The following SCP2 variants were observed in gnomAD, a reference collection of about 807,000 sequenced individuals.
SCP2 encodes sterol carrier protein 2.
SCP2 carries 48 observed loss-of-function variants against 71.4 expected under a neutral mutation model. The ratio of observed to expected loss-of-function variants is 0.67; its 90% CI spans 0.53 to 0.86. SCP2 has a LOEUF of 0.86. Among genes scored for constraint, SCP2 ranks in the 40% least tolerant of loss-of-function variants. The probability of loss-of-function intolerance (pLI) is 0.00; values close to 1 mark genes in which losing one functional copy is unlikely to be tolerated. For missense variants in SCP2, 560 were observed against 655.6 expected (o/e 0.85, Z 1.59); for synonymous variants, 220 against 218.1 (o/e 1.01, Z -0.08).
chr1:53,004,167 G>A (rs896038048), intron 11 of SCP2, among the ~76,000 whole-genome samples: 4 of 152,178 alleles, frequency 2.6e-5, no homozygotes, highest in African/African-American at 9.7e-5. Context: ...GTGGGGTGGA[G>A]CTGAATGGTG....
intron 14 of SCP2, among the ~76,000 whole-genome samples, chr1:53,046,939 G>A (rs1663859079): frequency 6.6e-6 from 1 of 152,212 alleles, no homozygotes; most frequent in Admixed American, 6.5e-5. Context: ...CAGTTTCCAT[G>A]GATAAGTAGG....
chr1:52,938,888 C>T (rs1036383346), intron 1 of SCP2, among the ~76,000 whole-genome samples: 3 of 152,144 alleles, frequency 2.0e-5, no homozygotes, highest in African/African-American at 4.8e-5. Context: ...GACATGTATC[C>T]AGTGTTATAG....
intron 1 of SCP2, among the ~76,000 whole-genome samples, chr1:52,935,389 C>T (rs1455319820): frequency 6.6e-6 from 1 of 151,654 alleles, no homozygotes; most frequent in African/African-American, 2.4e-5. Flanking sequence ...CGAGACCAGC[C>T]TGGTCAACAT....
chr1:52,959,750 T>A (rs768445911), intron 5 of SCP2, among the ~76,000 whole-genome samples: 3 of 152,126 alleles, frequency 2.0e-5, no homozygotes, highest in Non-Finnish European at 4.4e-5. Context: ...TGTAGGATCT[T>A]TGGACGTGTC....
intron 6 of SCP2, among the ~76,000 whole-genome samples, chr1:52,962,479 C>T (rs772870095): frequency 1.5e-4 from 23 of 152,216 alleles, no homozygotes; most frequent in Middle Eastern, 6.8e-3. Flanking sequence ...GATCATTTCA[C>T]TCCTGTGCTT....
At chr1:53,002,589 G>T (rs912785345) in intron 11 of SCP2, among the ~76,000 whole-genome samples, 2 of 152,200 alleles carry the variant, frequency 1.3e-5, no homozygotes, top group African/African-American at 2.4e-5. Flanking sequence ...TTGCCCATCT[G>T]TTGGGCCTTA....
chr1:52,942,565 T>A (rs1474798639), intron 2 of SCP2, among the ~76,000 whole-genome samples: 1 of 151,598 alleles, frequency 6.6e-6, no homozygotes, highest in Non-Finnish European at 1.5e-5. Flanking sequence ...TCTCTTTTTT[T>A]AAAAAAAGGG....
At chr1:53,037,163 G>C (rs1663009150) in intron 13 of SCP2, among the ~76,000 whole-genome samples, 1 of 151,706 alleles carries the variant, frequency 6.6e-6, no homozygotes, top group Non-Finnish European at 1.5e-5. Context: ...AATAAATGAT[G>C]AATGATTTAT....
intron 13 of SCP2, among the ~76,000 whole-genome samples, chr1:53,029,691 T>A (rs1391305405): frequency 6.6e-6 from 1 of 152,186 alleles, no homozygotes; most frequent in Non-Finnish European, 1.5e-5. Context: ...CTGATGTGTC[T>A]TGTGAAAGAA....
At chr1:53,035,596 C>A (rs74224005) in intron 13 of SCP2, among the ~76,000 whole-genome samples, 14,912 of 149,154 alleles carry the variant, frequency 0.1, 1,444 homozygotes, top group African/African-American at 0.22. Flanking sequence ...AAAATGTGTC[C>A]AAAAAAAAAT....
rs549143618 is a variant in SCP2, at chr1:53,026,258, GA to G, written c.1236-1709del. On this transcript the variant is annotated intron_variant, in intron 12 of 15. Coordinates refer to ENST00000371514, the MANE Select transcript of SCP2 (RefSeq NM_002979.5). ...AATATTTGTCTTTTCTTTATTCTAG[GA>G]ACATTTGAATTATTCTCTTTTGATT... Among the ~76,000 whole-genome samples the G allele has an allele frequency of 6.6e-5, 10 of 152,102 alleles. No homozygotes were observed. The South Asian group carries it at 1.9e-3, about 28-fold the overall frequency.
chr1:52,954,229 G>C lies in SCP2; in HGVS notation c.332-511G>C, dbSNP rs1655593251. On this transcript the variant is annotated intron_variant, in intron 4 of 15. Coordinates refer to ENST00000371514, the MANE Select transcript of SCP2 (RefSeq NM_002979.5). ...AATAGAGAGCTGAGGTGGGAGGATC[G>C]TTTGAGCCTGAGAGGTTGAAGCTGC... 3.3e-5 allele frequency among the ~76,000 whole-genome samples: 5 copies of C among 150,958 alleles called. No individual in the cohort carries two copies. In the South Asian group the frequency reaches 1.0e-3, roughly 32 times the overall value.
chr1:52,976,538 A>C, intron 7 of SCP2, 145 bp from the exon 8 acceptor site: 1 of 638,812 alleles, frequency 1.6e-6, no homozygotes, highest in East Asian at 2.8e-5. Flanking sequence ...TTAAAAGGTC[A>C]ATTCAGATGA....
intron 8 of SCP2, among the ~76,000 whole-genome samples, chr1:52,977,855 G>C (rs1374210527): frequency 3.9e-5 from 6 of 152,098 alleles, no homozygotes; most frequent in Non-Finnish European, 8.8e-5. Flanking sequence ...AGCTACTCAG[G>C]AGGCTGAGGC....
intron 14 of SCP2, among the ~76,000 whole-genome samples, chr1:53,044,590 AC>A (rs1663667708): frequency 6.6e-6 from 1 of 152,246 alleles, no homozygotes; most frequent in African/African-American, 2.4e-5. Context: ...GAAAACACAT[AC>A]ACATATAAGT....
At chr1:53,025,267 C>T (rs1426107486) in intron 12 of SCP2, among the ~76,000 whole-genome samples, 1 of 152,130 alleles carries the variant, frequency 6.6e-6, no homozygotes, top group Non-Finnish European at 1.5e-5. Flanking sequence ...TGCTGCTTTC[C>T]CTTCTGTCCC....
intron 15 of SCP2, chr1:53,048,877 T>C (rs1664017132): frequency 6.6e-6 from 1 of 152,224 alleles, no homozygotes; most frequent in African/African-American, 2.4e-5. Context: ...GACGTTTCTT[T>C]CCAATGTAAC....
At chr1:52,982,389 T>G (rs922008198) in intron 10 of SCP2, among the ~76,000 whole-genome samples, 2 of 152,072 alleles carry the variant, frequency 1.3e-5, no homozygotes, top group Non-Finnish European at 2.9e-5. Context: ...GCTAACACGG[T>G]GAAACCCCCT....
chr1:53,038,481 C>G (rs879065116), intron 13 of SCP2, among the ~76,000 whole-genome samples: 1 of 152,060 alleles, frequency 6.6e-6, no homozygotes, highest in Admixed American at 6.5e-5. Flanking sequence ...CATAGCTCAC[C>G]ATAACCTCAA....
Sources: gnomAD v4.1 joint callset for allele counts (sites outside exome capture counted in the v4.1 genomes callset) on GRCh38, gnomAD v4.1.1 for gene constraint, MANE v1.5 for transcripts, NCBI Gene and HGNC (gene_info 2026-07-23, HGNC 2026-07-21) for gene names.